Variants in YBEY observed in about 807,000 individuals in gnomAD.
YBEY encodes endoribonuclease YbeY.
Under a neutral mutation model 13.5 loss-of-function variants are expected in YBEY, and 15 were observed. The ratio of observed to expected loss-of-function variants is 1.11; its 90% confidence interval spans 0.75 to 1.72. YBEY has a LOEUF of 1.72. YBEY is among the 40% of genes most tolerant of loss of function. The probability of loss-of-function intolerance (pLI) is 0.00; values close to 1 mark genes in which losing one functional copy is unlikely to be tolerated. For missense variants in YBEY, 244 were observed against 208.4 expected (o/e 1.17, Z -1.05); for synonymous variants, 101 against 83.1 (o/e 1.21, Z -1.17).
chr21:46,301,803 C>T (rs2082116536), downstream of YBEY: 6 of 1,253,628 alleles, frequency 4.8e-6, 1 homozygote, highest in South Asian at 2.0e-4. Flanking sequence ...CAAGGGATGC[C>T]CCCTGGAATG....
At chr21:46,308,200 C>T in the YBEY span, among the ~76,000 whole-genome samples, 1 of 152,092 alleles carries the variant, frequency 6.6e-6, no homozygotes, top group African/African-American at 2.4e-5. Flanking sequence ...CGGTGGCTCA[C>T]GCCCATAATC....
chr21:46,288,683 GAAAAAAA>G (rs11420581), intron 2 of YBEY, among the ~76,000 whole-genome samples: 9 of 131,586 alleles, frequency 6.8e-5, no homozygotes, highest in African/African-American at 2.7e-4. Flanking sequence ...GTCTCAAAAA[GAAAAAAA>G]AAAAAAGAAG....
At chr21:46,302,227 A>C (rs954441272), downstream of YBEY, 13 of 1,432,216 alleles carry the variant, frequency 9.1e-6, no homozygotes, top group Non-Finnish European at 1.0e-5. Flanking sequence ...CCTGTTCCTA[A>C]CTGGGGCTGG....
chr21:46,299,043 CTTTCTT>C (rs1485651222), downstream of YBEY, among the ~76,000 whole-genome samples: 6,491 of 123,934 alleles, frequency 0.052, 200 homozygotes, highest in Non-Finnish European at 0.075. Context: ...GTATTTCTTT[CTTTCTT>C]TTTTTTTTTT....
At chr21:46,294,377 CGTGCCCGGG>C (rs2081865108) in intron 3 of YBEY, among the ~76,000 whole-genome samples, 1 of 81,758 alleles carries the variant, frequency 1.2e-5, no homozygotes, top group Non-Finnish European at 2.7e-5. Context: ...TAGCCTGACC[CGTGCCCGGG>C]ACTCAGTGGG....
In YBEY at chr21:46,291,197, CAAAAAAA is replaced by C. The variant is rs878872964; in HGVS notation, c.211-124_211-118del. ...GGGCAACAAGAGTGAAACTCCGTCT[CAAAAAAA>C]AAAAAAAAAAAAGTGATTTGGCTCA... On this transcript the variant is annotated intron_variant, in intron 2 of 4. Coordinates refer to ENST00000397701, the MANE Select transcript of YBEY (RefSeq NM_001314025.2). The C allele has an allele frequency of 1.5e-4, 95 of 649,912 alleles. 2 individuals are homozygous for C. The Middle Eastern group carries it at 6.6e-3, about 45-fold the overall frequency. 40.3% of individuals were successfully genotyped at this position (649,912 alleles called of 1,614,324 possible).
At chr21:46,311,159 C>A in the YBEY span, among the ~76,000 whole-genome samples, 2 of 152,068 alleles carry the variant, frequency 1.3e-5, no homozygotes, top group Non-Finnish European at 2.9e-5. Context: ...CGTGAGCCAC[C>A]GAGCCGGGCC....
intron 2 of YBEY, among the ~76,000 whole-genome samples, chr21:46,290,474 G>A (rs1953725345): frequency 6.6e-6 from 1 of 151,956 alleles, no homozygotes; most frequent in Non-Finnish European, 1.5e-5. Flanking sequence ...AAAGTGCTGG[G>A]ATTACAGCTG....
chr21:46,302,265 G>T, downstream of YBEY: 1 of 1,424,254 alleles, frequency 7.0e-7, no homozygotes. Flanking sequence ...GGATGGCAGG[G>T]TCTAAGCATC....
chr21:46,300,888 A>C, downstream of YBEY: 1 of 993,308 alleles, frequency 1.0e-6, no homozygotes, highest in Non-Finnish European at 1.3e-6. Context: ...CCAAAAAAAA[A>C]AGTAACAAAA....
chr21:46,299,962 G>A (rs544506434), downstream of YBEY, among the ~76,000 whole-genome samples: 102 of 152,230 alleles, frequency 6.7e-4, no homozygotes, highest in Non-Finnish European at 1.1e-3. Flanking sequence ...ACCCTCAGGT[G>A]TGACCCCACC....
rs535233494 is a variant in YBEY, at chr21:46,287,693, GA to G, written c.210+575del. Among the ~76,000 whole-genome samples the G allele has an allele frequency of 4.4e-3, 664 of 152,182 alleles. 9 individuals are homozygous for G. The highest frequency in any genetic ancestry group is 0.015 in the African/African-American group (618 of 41,524). On this transcript the variant is annotated intron_variant, in intron 2 of 4. Transcript: ENST00000397701. ...TACAATTACACTGGTAACCCAGCAG[GA>G]AAAAGAAAGGTGACAGCCGAGCGCG...
At chr21:46,301,730 G>T, downstream of YBEY, 1 of 1,205,706 alleles carries the variant, frequency 8.3e-7, no homozygotes, top group Non-Finnish European at 1.0e-6. Flanking sequence ...GAAAGGAGGG[G>T]TCCCTGGGAG....
At chr21:46,306,971 C>A in the YBEY span, among the ~76,000 whole-genome samples, 1 of 152,016 alleles carries the variant, frequency 6.6e-6, no homozygotes, top group African/African-American at 2.4e-5. Flanking sequence ...TCTCAGCTCA[C>A]TGCAGCCTCC....
At chr21:46,311,485 G>T in the YBEY span, 1 of 1,608,816 alleles carries the variant, frequency 6.2e-7, no homozygotes, top group Non-Finnish European at 8.5e-7. Context: ...CCGTTGAGTA[G>T]GGAAGGCCTG....
At position 46,297,619 on chromosome 21, in the gene YBEY, C is replaced by A; in HGVS notation, c.489C>A (p.Leu163=). 1 of 1,349,712 alleles carries A rather than the reference C, an allele frequency of 7.4e-7. No homozygotes were observed. Among genetic ancestry groups the A allele is most frequent in the Non-Finnish European group, 9.6e-7 (1 of 1,036,692 alleles). The allele number at this position is 1,349,712 out of a possible 1,614,324, so 83.6% of individuals were successfully genotyped here. Residue 163 remains leucine, a synonymous_variant, in exon 5 of 5, where the codon CTC becomes CTA. Coordinates refer to ENST00000397701, the MANE Select transcript of YBEY (RefSeq NM_001314025.2). ...GGCTGCAGCCCCTGACCCGGGGCCT[C>A]TTCGGAGGGAGCTGAGGGCCGCGTT... The part of the protein sequence containing the change: ...GTRLQPLTRG[L]FGGS
At chr21:46,310,955 C>A in the YBEY span, among the ~76,000 whole-genome samples, 5 of 151,910 alleles carry the variant, frequency 3.3e-5, no homozygotes, top group Non-Finnish European at 5.9e-5. Context: ...ACTGCAACCT[C>A]CGCCTCCCAG....
rs1478562258 is a variant in YBEY, at chr21:46,295,071, TCTGTGGCCAGCAA to T, written c.340-1084_340-1072del. 2.0e-5 allele frequency among the ~76,000 whole-genome samples: 3 copies of T among 152,310 alleles called. No individual in the cohort carries two copies. The East Asian group carries it at 5.8e-4, about 29-fold the overall frequency. ...CAGCCGGAGATTCAGCCCTGGGATC[TCTGTGGCCAGCAA>T]CTGTGGGCGGGGGGGTATGTGGACA... On this transcript the variant is annotated intron_variant, in intron 3 of 4. Transcript: ENST00000397701.
chr21:46,288,694 A>G (rs1042115925), intron 2 of YBEY, among the ~76,000 whole-genome samples: 8 of 151,550 alleles, frequency 5.3e-5, no homozygotes, highest in East Asian at 1.9e-4. Flanking sequence ...AAAAAAAAAA[A>G]AAGAAGAAAA....
Sources: gnomAD v4.1 joint callset for allele counts (sites outside exome capture counted in the v4.1 genomes callset) on GRCh38, gnomAD v4.1.1 for gene constraint, MANE v1.5 for transcripts, NCBI Gene and HGNC (gene_info 2026-07-23, HGNC 2026-07-21) for gene names.